Variants in NIPBL observed in about 807,000 individuals in gnomAD.
NIPBL encodes nipped-B-like protein.
In NIPBL, 19 loss-of-function variants were observed where a neutral mutation model predicts 321.8. That is an observed-to-expected ratio of 0.06 (90% CI 0.04 to 0.09). The LOEUF (loss-of-function observed/expected upper bound fraction) is 0.09, where lower values mean the gene tolerates loss of function less well. Among genes scored for constraint, NIPBL ranks in the 10% least tolerant of loss-of-function variants. NIPBL has a pLI of 1.00. For missense variants in NIPBL, 2,210 were observed against 3,327.0 expected, an observed-to-expected ratio of 0.66 and a Z score of 8.26; for synonymous variants, 1,106 against 1,114.1, an observed-to-expected ratio of 0.99 and a Z score of 0.14.
At position 36,978,470 on chromosome 5, in the gene NIPBL, T is replaced by C. The variant is rs190348022; in HGVS notation, c.1495+2068T>C. On this transcript the variant is annotated intron_variant, in intron 9 of 46. Coordinates refer to ENST00000282516, the MANE Select transcript of NIPBL (RefSeq NM_133433.4). ...TTTTTTCTTGTTGATTTGAGTTCTTTATAGATTCTCAGTATTAGACCTTTG... is the reference window on the plus strand; with the variant it reads ...TTTTTTCTTGTTGATTTGAGTTCTTCATAGATTCTCAGTATTAGACCTTTG... Among the ~76,000 whole-genome samples, 575 of 152,184 alleles carry C rather than the reference T, an allele frequency of 3.8e-3. 3 individuals carry two copies. The highest frequency in any genetic ancestry group is 5.8e-3 in the Admixed American group (89 of 15,266).
intron 1 of NIPBL, among the ~76,000 whole-genome samples, chr5:36,939,624 G>C (rs1389671974): frequency 6.6e-6 from 1 of 152,126 alleles, no homozygotes. Context: ...GAATATCTGA[G>C]ACTGGGTAAT....
At chr5:37,060,234 A>G (rs1754525014) in intron 44 of NIPBL, among the ~76,000 whole-genome samples, 1 of 152,162 alleles carries the variant, frequency 6.6e-6, no homozygotes, top group Non-Finnish European at 1.5e-5. Flanking sequence ...GAGTGCAGTT[A>G]TGCAATCATA....
At chr5:36,925,512 CACCTCGGCCTCCCAA>C (rs1411156302) in intron 1 of NIPBL, among the ~76,000 whole-genome samples, 2 of 152,000 alleles carry the variant, frequency 1.3e-5, no homozygotes, top group East Asian at 3.9e-4. Context: ...GTGATCCATC[CACCTCGGCCTCCCAA>C]AGTTCTGGTA....
chr5:36,933,174 T>C (rs1285684585), intron 1 of NIPBL, among the ~76,000 whole-genome samples: 1 of 152,140 alleles, frequency 6.6e-6, no homozygotes, highest in African/African-American at 2.4e-5. Context: ...CATACTGTTT[T>C]TTAAAAATGT....
chr5:36,991,697 A>G (rs1745535807), intron 10 of NIPBL, among the ~76,000 whole-genome samples: 1 of 150,114 alleles, frequency 6.7e-6, no homozygotes, highest in Admixed American at 6.6e-5. Context: ...TTATATGGGT[A>G]GGTTAGTGGA....
At chr5:37,003,587 CAT>C (rs1325189254) in intron 16 of NIPBL, among the ~76,000 whole-genome samples, 2 of 152,176 alleles carry the variant, frequency 1.3e-5, no homozygotes, top group Middle Eastern at 3.4e-3. Flanking sequence ...TAGGAAAAAA[CAT>C]AGTGTATATC....
chr5:37,035,181 T>C (rs1469893153), intron 32 of NIPBL, among the ~76,000 whole-genome samples: 1 of 152,146 alleles, frequency 6.6e-6, no homozygotes, highest in Non-Finnish European at 1.5e-5. Context: ...CCCAGCTGTG[T>C]GGGAGGCTGA....
At chr5:37,041,719 C>T (rs1752400873) in intron 34 of NIPBL, among the ~76,000 whole-genome samples, 1 of 152,084 alleles carries the variant, frequency 6.6e-6, no homozygotes, top group African/African-American at 2.4e-5. Context: ...TGTGCACCAC[C>T]ACACCCGGCT....
chr5:36,908,960 G>C (rs960323755), intron 1 of NIPBL, among the ~76,000 whole-genome samples: 7 of 152,116 alleles, frequency 4.6e-5, no homozygotes, highest in Non-Finnish European at 1.5e-5. Flanking sequence ...GTATATCCTT[G>C]TCTGAAATGA....
At chr5:36,948,465 G>A (rs576150827) in intron 1 of NIPBL, among the ~76,000 whole-genome samples, 1 of 151,988 alleles carries the variant, frequency 6.6e-6, no homozygotes, top group African/African-American at 2.4e-5. Context: ...ACACAAAGTA[G>A]AGTTTAAAGC....
At chr5:36,978,147 G>A (rs186437927) in intron 9 of NIPBL, among the ~76,000 whole-genome samples, 130 of 152,098 alleles carry the variant, frequency 8.5e-4, no homozygotes, top group African/African-American at 3.0e-3. Context: ...AGGTCAAATG[G>A]TAGTTCTATT....
chr5:36,967,171 T>C (rs1316488152), intron 6 of NIPBL, among the ~76,000 whole-genome samples: 1 of 152,048 alleles, frequency 6.6e-6, no homozygotes, highest in African/African-American at 2.4e-5. Context: ...GCCAAGTCGA[T>C]ACAGAAAGAT....
intron 1 of NIPBL, among the ~76,000 whole-genome samples, chr5:36,916,914 G>C (rs537852040): frequency 6.6e-4 from 101 of 152,202 alleles, no homozygotes; most frequent in African/African-American, 2.0e-3. Context: ...TGGACACTTG[G>C]GTTGGTTCCA....
At chr5:36,939,516 C>A (rs972237452) in intron 1 of NIPBL, among the ~76,000 whole-genome samples, 4 of 152,122 alleles carry the variant, frequency 2.6e-5, no homozygotes, top group African/African-American at 9.7e-5. Context: ...TAGTATGGCT[C>A]TACCATCGTT....
intron 1 of NIPBL, among the ~76,000 whole-genome samples, chr5:36,911,360 T>C (rs1408608469): frequency 1.3e-5 from 2 of 152,158 alleles, no homozygotes; most frequent in Non-Finnish European, 2.9e-5. Flanking sequence ...AGAAAGTGAG[T>C]TGGCAGTAAC....
Position 37,010,098 on chromosome 5 carries a change from G to T in NIPBL, c.4433G>T (p.Ser1478Ile), listed in dbSNP as rs1217002043. 8 of 1,611,374 alleles carry T rather than the reference G, an allele frequency of 5.0e-6. No homozygotes were observed. Among genetic ancestry groups the T allele is most frequent in the Non-Finnish European group, 5.9e-6 (7 of 1,177,742 alleles). Residue 1478 changes from serine (S) to isoleucine (I), a missense_variant, in exon 21 of 47, where the codon AGT (serine) becomes ATT (isoleucine). Around this residue, in one of 14 missense-constraint regions of NIPBL, gnomAD observed 381 missense variants for 642.3 expected, o/e 0.59. Coordinates refer to ENST00000282516, the MANE Select transcript of NIPBL (RefSeq NM_133433.4). ...TTTCTTCATTAAAGGTTAAACAGTA[G>T]TGATATGGATGGAGAACCTATGTAT... is the stretch of plus-strand genomic sequence containing the variant. ...RSLRNFRLNS[S>I]DMDGEPMYIQ... is the part of the protein sequence containing the mutation.
At chr5:37,055,622 T>C (rs1754010886) in intron 42 of NIPBL, among the ~76,000 whole-genome samples, 1 of 152,018 alleles carries the variant, frequency 6.6e-6, no homozygotes, top group African/African-American at 2.4e-5. Context: ...AGTCAGATGC[T>C]ACTGAGAAGT....
chr5:36,885,855 A>T lies in NIPBL; in HGVS notation c.-80+8677A>T. ...CTGCTCTTAATGAAGGAGAACCACG[A>T]AGAGGAAGTAAAAGGCCTACAAGCC... On this transcript the variant is annotated intron_variant, in intron 1 of 46. Coordinates refer to ENST00000282516, the MANE Select transcript of NIPBL (RefSeq NM_133433.4). The T allele has an allele frequency of 4.2e-6, 3 of 713,876 alleles. No individual in the cohort carries two copies. In the Admixed American group the frequency reaches 5.3e-5, roughly 13 times the overall value. 44.2% of individuals were successfully genotyped at this position (713,876 alleles called of 1,614,324 possible).
At chr5:37,030,576 T>G (rs1017989598) in intron 32 of NIPBL, among the ~76,000 whole-genome samples, 1 of 152,166 alleles carries the variant, frequency 6.6e-6, no homozygotes, top group Non-Finnish European at 1.5e-5. Flanking sequence ...ATTTCAGATA[T>G]TTCTAATTTT....
Sources: allele counts gnomAD v4.1 joint callset (sites outside exome capture counted in the v4.1 genomes callset), GRCh38; gene constraint gnomAD v4.1.1; regional missense constraint gnomAD v4.1.1; transcripts MANE v1.5; gene names NCBI Gene and HGNC (gene_info 2026-07-23, HGNC 2026-07-21).